The following FCSK variants were observed in gnomAD, a reference collection of about 807,000 sequenced individuals.
The protein encoded by FCSK is fucose kinase.
In FCSK, 123 loss-of-function variants were observed where a neutral mutation model predicts 122.5. The ratio of observed to expected loss-of-function variants is 1.00; its 90% CI spans 0.87 to 1.17. The LOEUF (loss-of-function observed/expected upper bound fraction) is 1.17, where lower values mean the gene tolerates loss of function less well. FCSK is among the 50% of genes most tolerant of loss of function. The pLI, the probability that FCSK is intolerant of heterozygous loss-of-function variation, is 0.00. For synonymous variants in FCSK, 620 were observed against 625.5 expected (o/e 0.99, Z 0.13); for missense variants, 1,366 against 1,450.4 (o/e 0.94, Z 0.95).
chr16:70,471,633 C>T (rs2048623951), intron 13 of FCSK, among the ~76,000 whole-genome samples: 1 of 151,948 alleles, frequency 6.6e-6, no homozygotes, highest in Non-Finnish European at 1.5e-5. Context: ...GAGTCTTGCT[C>T]TATCACCAAG....
At chr16:70,456,046 T>C (rs1386834949) in intron 1 of FCSK, among the ~76,000 whole-genome samples, 1 of 151,946 alleles carries the variant, frequency 6.6e-6, no homozygotes, top group Non-Finnish European at 1.5e-5. Flanking sequence ...GCAGGACTCA[T>C]GCATAGTCCC....
intron 1 of FCSK, chr16:70,454,949 C>T (rs2048043300): frequency 6.6e-6 from 1 of 152,264 alleles, no homozygotes; most frequent in African/African-American, 2.4e-5. Context: ...AGGTGGGGCC[C>T]TGGATGCCGG....
At chr16:70,460,104 CTTTTTTTT>C (rs564125150) in intron 1 of FCSK, among the ~76,000 whole-genome samples, 1 of 126,492 alleles carries the variant, frequency 7.9e-6, no homozygotes. Context: ...CGTCTAGCCT[CTTTTTTTT>C]TTTTTTTTTT....
chr16:70,473,063 C>T lies in FCSK; in HGVS notation c.1487C>T (p.Pro496Leu), dbSNP rs1158640452. The T allele has an allele frequency of 1.4e-5, 22 of 1,590,030 alleles. No individual in the cohort carries two copies. Among genetic ancestry groups the T allele is most frequent in the Non-Finnish European group, 1.8e-5 (21 of 1,169,076 alleles). The change falls in exon 15 of 24, where the codon CCC becomes CTC. Residue 496 changes from proline to leucine, a missense_variant. Transcript: ENST00000288078. The surrounding 1 kb of genome is among the most constrained non-coding windows in gnomAD (Gnocchi z 4.9). ...PSARLFPVLH[P>L]SRELGPQDLL... is the part of the protein sequence containing the mutation. ...GCCCGCCTCTTTCCTGTGCTCCACC[C>T]CTCGAGGGAGCTGGGACCCCAGGAC... is the stretch of plus-strand genomic sequence containing the variant.
chr16:70,477,651 A>T (rs2048858804), intron 20 of FCSK: 1 of 152,458 alleles, frequency 6.6e-6, no homozygotes, highest in South Asian at 2.1e-4. Flanking sequence ...GCCAAAGGGA[A>T]GGTATCTGTC....
intron 15 of FCSK, 99 bp from the exon 16 acceptor site, chr16:70,474,030 G>A (rs1202838259): frequency 9.1e-7 from 1 of 1,101,254 alleles, no homozygotes; most frequent in Non-Finnish European, 1.3e-6. Context: ...GGAGGTGTGA[G>A]GGGTCTGGCG....
In FCSK at chr16:70,474,294, C is replaced by T. The variant is rs200436970; in HGVS notation, c.1943C>T (p.Ala648Val). 1.8e-4 allele frequency: 285 copies of T among 1,613,544 alleles called. No individual in the cohort carries two copies. In the African/African-American group the frequency reaches 2.8e-3, roughly 16 times the overall value. The part of the protein sequence containing the change: ...FSYLECGDLA[A>V]GVEALAQERD... The stretch of plus-strand genomic sequence containing the variant: ...TACCTGGAGTGTGGAGACCTGGCAG[C>T]GGGCGTGGAGGCGCTTGCCCAGGAG... Residue 648 changes from alanine to valine, a missense_variant, in exon 16 of 24, where the codon GCG becomes GTG. Physicochemically the swap from Ala to Val is moderately conservative, Grantham distance 64. Transcript: ENST00000288078.
chr16:70,458,949 T>G (rs2048177043), intron 1 of FCSK, among the ~76,000 whole-genome samples: 1 of 151,838 alleles, frequency 6.6e-6, no homozygotes, highest in Non-Finnish European at 1.5e-5. Context: ...ATTAATTAAA[T>G]TTAAAAATAA....
chr16:70,475,000 C>G lies in FCSK; in HGVS notation c.2366C>G (p.Pro789Arg). ...CLADLRDYCQ[P>R]HAPGALLKAA... ...GCTGACCTGCGGGACTACTGCCAGC[C>G]TCATGCCCCAGGTCAGGCACCCTGG... Residue 789 changes from proline to arginine, a missense_variant, in exon 18 of 24, where the codon CCT becomes CGT. By Grantham distance (103) the Pro-to-Arg change is moderately radical. Transcript: ENST00000288078. The G allele has an allele frequency of 6.2e-7, 1 of 1,602,134 alleles. No individual in the cohort carries two copies. The highest frequency in any genetic ancestry group is 8.5e-7 in the Non-Finnish European group (1 of 1,175,846).
chr16:70,475,252 C>G (rs892966773), intron 18 of FCSK, 98 bp from the exon 19 acceptor site: 1 of 1,424,112 alleles, frequency 7.0e-7, no homozygotes, highest in Admixed American at 1.9e-5. Flanking sequence ...TTTGTCCCAC[C>G]GGATGAGTCC....
At chr16:70,474,725 G>T in intron 17 of FCSK, 31 bp downstream of exon 17, 1 of 1,574,570 alleles carries the variant, frequency 6.4e-7, no homozygotes, top group Non-Finnish European at 8.6e-7. Flanking sequence ...GGGGTTGAGG[G>T]TAGCTGCCCC....
intron 1 of FCSK, among the ~76,000 whole-genome samples, chr16:70,455,504 C>CCAACAACAA (rs10623842): frequency 6.6e-6 from 1 of 150,812 alleles, no homozygotes; most frequent in Non-Finnish European, 1.5e-5. Flanking sequence ...ACAAAACAAA[C>CCAACAACAA]CAACAACAAC....
Position 70,473,076 on chromosome 16 carries a change from G to T in FCSK, c.1500G>T (p.Leu500=), listed in dbSNP as rs371672013. ...LFPVLHPSRE[L]GPQDLLWMLD... Reference sequence around the variant, plus strand: ...CTGTGCTCCACCCCTCGAGGGAGCTGGGACCCCAGGACCTGCTGTGGATGC... The same window carrying T: ...CTGTGCTCCACCCCTCGAGGGAGCTTGGACCCCAGGACCTGCTGTGGATGC... Residue 500 remains leucine, a synonymous_variant, in exon 15 of 24, where the codon CTG becomes CTT. Transcript: ENST00000288078. This position sits in a 1 kb window ranked among gnomAD's most constrained non-coding sequence, Gnocchi z 4.9. 339 of 1,590,164 alleles carry T rather than the reference G, an allele frequency of 2.1e-4. No individual in the cohort carries two copies. Among genetic ancestry groups the T allele is most frequent in the Non-Finnish European group, 2.7e-4 (312 of 1,169,266 alleles).
chr16:70,455,451 C>T (rs2048061783), intron 1 of FCSK, among the ~76,000 whole-genome samples: 2 of 152,012 alleles, frequency 1.3e-5, no homozygotes, highest in Admixed American at 1.3e-4. Flanking sequence ...CGCCACTGCA[C>T]TCCACCCTGG....
chr16:70,455,479 C>G (rs1444772537), intron 1 of FCSK, among the ~76,000 whole-genome samples: 2 of 149,116 alleles, frequency 1.3e-5, no homozygotes, highest in African/African-American at 5.0e-5. Context: ...AGCGAGACTA[C>G]GTCTCAAAAA....
rs1325102247 is a variant in FCSK at position 70,479,712 on chromosome 16, T to C, written c.*32T>C. The C allele has an allele frequency of 2.5e-6, 4 of 1,569,930 alleles. No homozygotes were observed. The East Asian group carries it at 9.0e-5, about 35-fold the overall frequency. On this transcript the variant is annotated 3_prime_UTR_variant, in exon 24 of 24. Transcript: ENST00000288078. ...CTTCTCTCTGCAACAGGAGAAAACC[T>C]GGAGCTACAGTGTCCCCCACCTTCC...
At chr16:70,465,097 C>A (rs1473798003) in intron 3 of FCSK, 29 bp from the exon 4 acceptor site, 2 of 1,612,842 alleles carry the variant, frequency 1.2e-6, no homozygotes, top group African/African-American at 1.3e-5. Flanking sequence ...CCTGAGGCCT[C>A]TGTTCACAGG....
chr16:70,463,659 C>T lies in FCSK; in HGVS notation c.119C>T (p.Ala40Val). The T allele has an allele frequency of 3.7e-6, 6 of 1,613,502 alleles. No homozygotes were observed. The highest frequency in any genetic ancestry group is 5.1e-6 in the Non-Finnish European group (6 of 1,180,034). Residue 40 changes from alanine (A) to valine (V), a missense_variant, in exon 3 of 24, where the codon GCT becomes GTT. Transcript: ENST00000288078. ...EVRQKREQIPAGTLLLAVEDP... is the reference protein window; with the variant it reads ...EVRQKREQIPVGTLLLAVEDP... ...CGGCAGAAGCGGGAGCAGATCCCTG[C>T]TGGGACGCTGTTACTGGCCGTGGAG... is the stretch of plus-strand genomic sequence containing the variant.
chr16:70,478,900 T>G lies in FCSK; in HGVS notation c.2929+250T>G, dbSNP rs569939592. The G allele has an allele frequency of 1.0e-4, 73 of 697,172 alleles. No homozygotes were observed. The East Asian group carries it at 1.8e-3, about 17-fold the overall frequency. 43.2% of individuals were successfully genotyped at this position (697,172 alleles called of 1,614,324 possible). On this transcript the variant is annotated intron_variant, in intron 22 of 23. Coordinates refer to ENST00000288078, the MANE Select transcript of FCSK (RefSeq NM_145059.3). ...CAGAGAGGGGAAGGGACTCAACCCA[T>G]GGCTGAGTTCCAAGGAAGTCTGAGC...
Sources: gnomAD v4.1 joint callset for allele counts (sites outside exome capture counted in the v4.1 genomes callset) on GRCh38, gnomAD v4.1.1 for gene constraint, Gnocchi (gnomAD v3.1) non-coding constraint, MANE v1.5 for transcripts, NCBI Gene and HGNC (gene_info 2026-07-23, HGNC 2026-07-21) for gene names.